The following PMM2 variants were observed in gnomAD, a reference collection of about 807,000 sequenced individuals.
The protein encoded by PMM2 is phosphomannomutase 2.
Under a neutral mutation model 33.2 loss-of-function variants are expected in PMM2, and 35 were observed. The ratio of observed to expected loss-of-function variants is 1.06; its 90% CI spans 0.81 to 1.40. PMM2 has a LOEUF of 1.40. Among genes scored for constraint, PMM2 ranks in the 40% most tolerant of loss-of-function variants. The probability of loss-of-function intolerance (pLI) is 0.00; values close to 1 mark genes in which losing one functional copy is unlikely to be tolerated. For synonymous variants in PMM2, 153 were observed against 114.7 expected (o/e 1.33, Z -2.13); for missense variants, 386 against 306.0 (o/e 1.26, Z -1.95).
chr16:8,828,296 G>C (rs1425367224), intron 7 of PMM2, among the ~76,000 whole-genome samples: 3 of 151,790 alleles, frequency 2.0e-5, no homozygotes, highest in Non-Finnish European at 2.9e-5. Flanking sequence ...CAGATTTCAA[G>C]GCAAGCTGTC....
chr16:8,838,250 G>T (rs1020765213), intron 7 of PMM2, among the ~76,000 whole-genome samples: 2 of 152,032 alleles, frequency 1.3e-5, no homozygotes, highest in African/African-American at 4.8e-5. Context: ...ATCAGTTCGG[G>T]TGGGGCAGAA....
intron 7 of PMM2, chr16:8,832,547 T>A (rs549204398): frequency 8.1e-6 from 8 of 985,374 alleles, no homozygotes; most frequent in Non-Finnish European, 9.6e-6. Context: ...CTAGCAACTG[T>A]CAGGGGACTA....
At chr16:8,813,446 T>C (rs2060689274) in intron 7 of PMM2, among the ~76,000 whole-genome samples, 2 of 152,156 alleles carry the variant, frequency 1.3e-5, no homozygotes, top group Admixed American at 6.5e-5. Context: ...TGTTTCAACC[T>C]CATTTTTCCA....
At chr16:8,835,891 G>A (rs1222233397) in intron 7 of PMM2, among the ~76,000 whole-genome samples, 1 of 151,862 alleles carries the variant, frequency 6.6e-6, no homozygotes, top group Non-Finnish European at 1.5e-5. Context: ...TACAAGAGGA[G>A]GACACAAAGG....
At chr16:8,827,312 A>G (rs1358168233) in intron 7 of PMM2, among the ~76,000 whole-genome samples, 2 of 151,966 alleles carry the variant, frequency 1.3e-5, no homozygotes, top group African/African-American at 2.4e-5. Flanking sequence ...AGAAAGACAA[A>G]CAAAAACTCA....
chr16:8,838,170 G>C (rs1187178696), intron 7 of PMM2, among the ~76,000 whole-genome samples: 1 of 152,048 alleles, frequency 6.6e-6, no homozygotes, highest in Non-Finnish European at 1.5e-5. Flanking sequence ...ATCTCACAAA[G>C]TACATTCTCA....
chr16:8,848,022 G>C lies in PMM2; in HGVS notation c.*197G>C. 1.7e-6 allele frequency: 1 copy of C among 595,222 alleles called. No homozygotes were observed. The allele number at this position is 595,222 out of a possible 1,614,324, so 36.9% of individuals were successfully genotyped here. On this transcript the variant is annotated 3_prime_UTR_variant, in exon 8 of 8. Coordinates refer to ENST00000268261, the MANE Select transcript of PMM2 (RefSeq NM_000303.3). ...GAAGGAAGGAGAAAACTCTTGTCAA[G>C]AATGGCCCAGAGGAATGCCTCGCAC...
At position 8,847,841 on chromosome 16, in the gene PMM2, G is replaced by C. The variant is rs1452040741; in HGVS notation, c.*16G>C. Reference sequence around the variant, plus strand: ...GTTCTCCTAACGTGGGAGCGGGAGGGGCGGGGTCCCGGCTGACAAGCCAGC... The same window carrying C: ...GTTCTCCTAACGTGGGAGCGGGAGGCGCGGGGTCCCGGCTGACAAGCCAGC... On this transcript the variant is annotated 3_prime_UTR_variant, in exon 8 of 8. Coordinates refer to ENST00000268261, the MANE Select transcript of PMM2 (RefSeq NM_000303.3). 2 of 1,593,506 alleles carry C rather than the reference G, an allele frequency of 1.3e-6. No homozygotes were observed. The highest frequency in any genetic ancestry group is 4.5e-5 in the East Asian group (2 of 44,822).
intron 7 of PMM2, among the ~76,000 whole-genome samples, chr16:8,827,837 GTATAA>G (rs1405049175): frequency 1.1e-5 from 1 of 92,876 alleles, no homozygotes; most frequent in African/African-American, 4.5e-5. Context: ...TATATATATT[GTATAA>G]TATATAATAT....
intron 7 of PMM2, among the ~76,000 whole-genome samples, chr16:8,826,730 A>G (rs972594794): frequency 2.0e-5 from 3 of 152,188 alleles, no homozygotes; most frequent in Non-Finnish European, 1.5e-5. Flanking sequence ...CACACACACA[A>G]CATTATAAAT....
At position 8,835,758 on chromosome 16, in the gene PMM2, C is replaced by T. The variant is rs148200448; in HGVS notation, c.640-11966C>T. Among the ~76,000 whole-genome samples the T allele has an allele frequency of 6.7e-3, 1,012 of 151,996 alleles. 15 individuals carry two copies. Among genetic ancestry groups the T allele is most frequent in the African/African-American group, 0.024 (983 of 41,486 alleles). On this transcript the variant is annotated intron_variant, in intron 7 of 7. Transcript: ENST00000268261. ...CAGGCTTTAATCCTTTTAAAGCGTGCCATGGGATGGGACATTGAGTGGGGT... is the reference window on the plus strand; with the variant it reads ...CAGGCTTTAATCCTTTTAAAGCGTGTCATGGGATGGGACATTGAGTGGGGT...
intron 7 of PMM2, among the ~76,000 whole-genome samples, chr16:8,817,787 C>T (rs1311321540): frequency 1.3e-5 from 2 of 152,146 alleles, no homozygotes; most frequent in East Asian, 3.8e-4. Context: ...AACAATGTCC[C>T]AGCCTTTCTA....
At chr16:8,810,575 CTTTTTT>C (rs33970854) in intron 4 of PMM2, 2 of 113,640 alleles carry the variant, frequency 1.8e-5, no homozygotes, top group Non-Finnish European at 1.8e-5. Flanking sequence ...TAAAATATGA[CTTTTTT>C]TTTTTTTTTT....
intron 7 of PMM2, among the ~76,000 whole-genome samples, chr16:8,813,857 CTTTTTTTTT>C (rs148507269): frequency 3.4e-5 from 3 of 89,138 alleles, no homozygotes; most frequent in Admixed American, 1.3e-4. Context: ...TTTTCTTTCT[CTTTTTTTTT>C]TTTTTTTTTT....
chr16:8,821,562 C>T (rs188054715), intron 7 of PMM2, among the ~76,000 whole-genome samples: 2 of 152,322 alleles, frequency 1.3e-5, no homozygotes, highest in Non-Finnish European at 2.9e-5. Flanking sequence ...TCCGCAGAAT[C>T]GGCATCTCCT....
At chr16:8,840,620 G>A (rs558769550) in intron 7 of PMM2, among the ~76,000 whole-genome samples, 4 of 152,124 alleles carry the variant, frequency 2.6e-5, no homozygotes, top group South Asian at 2.1e-4. Context: ...TTCGAAATAC[G>A]ACTGAGTTTA....
intron 7 of PMM2, among the ~76,000 whole-genome samples, chr16:8,823,748 A>G (rs1172418730): frequency 6.6e-6 from 1 of 152,166 alleles, no homozygotes; most frequent in Non-Finnish European, 1.5e-5. Context: ...CATGGTCCTA[A>G]GATAATTTGG....
At chr16:8,798,022 C>T in intron 1 of PMM2, 74 bp downstream of exon 1, 1 of 1,444,330 alleles carries the variant, frequency 6.9e-7, no homozygotes, top group Non-Finnish European at 9.5e-7. Flanking sequence ...TATCGACCAC[C>T]CAGGGTAGGC....
At chr16:8,838,123 G>A (rs1316776293) in intron 7 of PMM2, among the ~76,000 whole-genome samples, 1 of 151,990 alleles carries the variant, frequency 6.6e-6, no homozygotes, top group African/African-American at 2.4e-5. Flanking sequence ...TGGGATAGGC[G>A]GTGAAGTTAA....
Sources: allele counts gnomAD v4.1 joint callset (sites outside exome capture counted in the v4.1 genomes callset), GRCh38; gene constraint gnomAD v4.1.1; transcripts MANE v1.5; gene names NCBI Gene and HGNC (gene_info 2026-07-23, HGNC 2026-07-21).